The following TXNRD1 variants were observed in gnomAD, a reference collection of about 807,000 sequenced individuals.
TXNRD1 encodes the protein thioredoxin reductase 1.
TXNRD1 carries 57 observed loss-of-function variants against 80.3 expected under a neutral mutation model. The observed-to-expected ratio is 0.71, with a 90% CI of 0.57 to 0.89. The LOEUF (loss-of-function observed/expected upper bound fraction) is 0.89. Among genes scored for constraint, TXNRD1 ranks in the 40% least tolerant of loss-of-function variants. The pLI is 0.00. For synonymous variants in TXNRD1, 291 were observed against 285.2 expected (o/e 1.02, Z -0.20); for missense variants, 730 against 803.0 (o/e 0.91, Z 1.10).
intron 3 of TXNRD1, among the ~76,000 whole-genome samples, chr12:104,261,540 T>TGCC (rs767303548): frequency 6.6e-5 from 10 of 152,212 alleles, no homozygotes; most frequent in Non-Finnish European, 1.2e-4. Flanking sequence ...AAATGTGTGT[T>TGCC]GCCAGTGGGG....
chr12:104,274,963 G>A (rs1417955767), intron 3 of TXNRD1, among the ~76,000 whole-genome samples: 2 of 152,070 alleles, frequency 1.3e-5, no homozygotes, highest in Non-Finnish European at 2.9e-5. Flanking sequence ...GACACTGAGC[G>A]ACCAAAAGCA....
At chr12:104,285,034 G>A (rs879590874) in intron 3 of TXNRD1, among the ~76,000 whole-genome samples, 2 of 152,116 alleles carry the variant, frequency 1.3e-5, no homozygotes, top group Admixed American at 1.3e-4. Flanking sequence ...AATTAGCCAG[G>A]TGTGGTGGTG....
intron 3 of TXNRD1, chr12:104,276,827 T>C (rs1366453330): frequency 6.6e-6 from 1 of 152,208 alleles, no homozygotes; most frequent in African/African-American, 2.4e-5. Flanking sequence ...GATAATAATA[T>C]ATATCCCAAA....
intron 1 of TXNRD1, among the ~76,000 whole-genome samples, chr12:104,240,563 GAACTT>G (rs1243926477): frequency 6.6e-6 from 1 of 152,192 alleles, no homozygotes; most frequent in Non-Finnish European, 1.5e-5. Flanking sequence ...ATAGGCAAGA[GAACTT>G]TTTAGCTTAA....
chr12:104,320,649 T>G (rs958051792), intron 9 of TXNRD1, among the ~76,000 whole-genome samples: 2 of 151,890 alleles, frequency 1.3e-5, no homozygotes, highest in South Asian at 2.1e-4. Flanking sequence ...ATTGAAAGTT[T>G]TTTTTTTTTT....
At chr12:104,252,063 C>CA (rs60195108) in intron 2 of TXNRD1, among the ~76,000 whole-genome samples, 2,369 of 54,250 alleles carry the variant, frequency 0.044, 37 homozygotes, top group Non-Finnish European at 0.062. Context: ...GACTCCATCT[C>CA]AAAAAAAAAA....
rs142912137 is a variant in TXNRD1, at chr12:104,305,623, G to A, written c.415-5667G>A. Among the ~76,000 whole-genome samples the A allele has an allele frequency of 3.4e-4, 52 of 152,302 alleles. No individual in the cohort carries two copies. In the Middle Eastern group the frequency reaches 0.017, roughly 50 times the overall value. On this transcript the variant is annotated intron_variant, in intron 4 of 16. Coordinates refer to ENST00000525566, the MANE Select transcript of TXNRD1 (RefSeq NM_001093771.3). ...CATGGAATTGTTAGAAGTTAGGCAC[G>A]AGAGGACCATTAGATTTATGGAAAA... is the stretch of plus-strand genomic sequence containing the variant.
chr12:104,216,743 A>C (rs1406412181), intron 1 of TXNRD1, among the ~76,000 whole-genome samples: 1 of 152,258 alleles, frequency 6.6e-6, no homozygotes, highest in African/African-American at 2.4e-5. Context: ...CTGACTCAAA[A>C]GCCCTGGTCA....
intron 1 of TXNRD1, among the ~76,000 whole-genome samples, chr12:104,243,391 A>C (rs2032916169): frequency 6.6e-6 from 1 of 152,208 alleles, no homozygotes; most frequent in Non-Finnish European, 1.5e-5. Context: ...TAGACACTGT[A>C]ATGGGTATAG....
At chr12:104,336,805 A>G (rs1200491259) in intron 15 of TXNRD1, among the ~76,000 whole-genome samples, 2 of 152,216 alleles carry the variant, frequency 1.3e-5, no homozygotes, top group Admixed American at 6.5e-5. Context: ...TATATATGCT[A>G]TTGTTTCCCC....
intron 8 of TXNRD1, 66 bp downstream of exon 8, chr12:104,319,121 G>GA: frequency 6.5e-7 from 1 of 1,527,138 alleles, no homozygotes; most frequent in Non-Finnish European, 8.8e-7. Context: ...GCTTTGGTTA[G>GA]AAAATGTTAA....
At chr12:104,252,669 T>C (rs1185177220) in intron 2 of TXNRD1, among the ~76,000 whole-genome samples, 67 of 78,688 alleles carry the variant, frequency 8.5e-4, no homozygotes, top group African/African-American at 3.4e-3. Context: ...TTTTTATATA[T>C]ATATATATAT....
At position 104,233,774 on chromosome 12, in the gene TXNRD1, G is replaced by A. The variant is rs1017094584; in HGVS notation, c.92-17753G>A. Among the ~76,000 whole-genome samples, 8 of 152,092 alleles carry A rather than the reference G, an allele frequency of 5.3e-5. No individual in the cohort carries two copies. The East Asian group carries it at 1.5e-3, about 29-fold the overall frequency. On this transcript the variant is annotated intron_variant, in intron 1 of 16. Transcript: ENST00000525566. ...TGACCTCAGGTGATCTGCCTGCCTC[G>A]GCCTCCCAAAGTGCTGGGATTACAG...
At chr12:104,319,436 A>G (rs898632491) in intron 8 of TXNRD1, 34 bp from the exon 9 acceptor site, 2 of 1,349,320 alleles carry the variant, frequency 1.5e-6, no homozygotes, top group Admixed American at 4.3e-5. Flanking sequence ...AGGAATGATT[A>G]CTTAATAAGG....
At chr12:104,216,381 G>C (rs765662343) in intron 1 of TXNRD1, among the ~76,000 whole-genome samples, 8 of 152,120 alleles carry the variant, frequency 5.3e-5, no homozygotes, top group Non-Finnish European at 8.8e-5. Flanking sequence ...AATCTTGTCC[G>C]ACACGCCTTC....
chr12:104,271,599 C>T (rs7969435), intron 3 of TXNRD1, among the ~76,000 whole-genome samples: 102,807 of 151,926 alleles, frequency 0.68, 34,941 homozygotes, highest in East Asian at 0.85. Flanking sequence ...AAAGAACCTT[C>T]TTAAGGGTCA....
intron 1 of TXNRD1, among the ~76,000 whole-genome samples, chr12:104,226,428 T>C (rs1396117260): frequency 6.6e-6 from 1 of 152,164 alleles, no homozygotes; most frequent in Admixed American, 6.5e-5. Context: ...AATATAATCT[T>C]GAAGCAGAAG....
At chr12:104,257,656 G>A (rs923461576) in intron 2 of TXNRD1, among the ~76,000 whole-genome samples, 4 of 152,026 alleles carry the variant, frequency 2.6e-5, no homozygotes, top group Admixed American at 6.6e-5. Context: ...TGATCCACCC[G>A]TCTCAGCCTC....
intron 1 of TXNRD1, among the ~76,000 whole-genome samples, chr12:104,237,789 C>A: frequency 6.6e-6 from 1 of 152,126 alleles, no homozygotes; most frequent in East Asian, 1.9e-4. Context: ...CTGAGGCAGG[C>A]GGATCATGAG....
Sources: allele counts gnomAD v4.1 joint callset (sites outside exome capture counted in the v4.1 genomes callset), GRCh38; gene constraint gnomAD v4.1.1; transcripts MANE v1.5; gene names NCBI Gene and HGNC (gene_info 2026-07-23, HGNC 2026-07-21).